The following PTPN2 variants were observed in gnomAD, a reference collection of about 807,000 sequenced individuals.
PTPN2 encodes tyrosine-protein phosphatase non-receptor type 2.
In PTPN2, 19 loss-of-function variants were observed where a neutral mutation model predicts 57.3. The observed-to-expected ratio is 0.33, with a 90% CI of 0.23 to 0.49. PTPN2 has a LOEUF of 0.49. PTPN2 is among the 20% of genes least tolerant of loss of function. The pLI is 0.99. For synonymous variants in PTPN2, 153 were observed against 164.9 expected (o/e 0.93, Z 0.55); for missense variants, 358 against 501.1 (o/e 0.71, Z 2.73).
At chr18:12,831,148 G>C (rs539343818) in intron 3 of PTPN2, 107 bp from the exon 4 acceptor site, 5 of 662,158 alleles carry the variant, frequency 7.6e-6, no homozygotes, top group African/African-American at 1.8e-5. Flanking sequence ...GACAGACAGC[G>C]GACGGGCTTA....
chr18:12,792,151 A>G, downstream of PTPN2: 1 of 839,380 alleles, frequency 1.2e-6, no homozygotes, highest in Non-Finnish European at 1.4e-6. Context: ...ACACAGGCAC[A>G]TGTTATATAA....
chr18:12,796,454 CTATG>C (rs1482446161), intron 8 of PTPN2, among the ~76,000 whole-genome samples: 2 of 152,096 alleles, frequency 1.3e-5, no homozygotes, highest in Non-Finnish European at 2.9e-5. Context: ...CTGAATTGAA[CTATG>C]TATTAGAATA....
At chr18:12,827,593 G>A (rs1236349776) in intron 4 of PTPN2, among the ~76,000 whole-genome samples, 1 of 151,288 alleles carries the variant, frequency 6.6e-6, no homozygotes, top group Non-Finnish European at 1.5e-5. Flanking sequence ...CTTTGTTGTC[G>A]AGGCTGGTTT....
chr18:12,838,092 A>C (rs2042927847), intron 2 of PTPN2, among the ~76,000 whole-genome samples: 1 of 152,194 alleles, frequency 6.6e-6, no homozygotes, highest in Admixed American at 6.5e-5. Context: ...TAAAGACCAC[A>C]TATCTCCTAG....
chr18:12,797,806 C>T (rs368543917), intron 8 of PTPN2, among the ~76,000 whole-genome samples: 6 of 152,176 alleles, frequency 3.9e-5, no homozygotes, highest in East Asian at 3.8e-4. Flanking sequence ...GATCATAGCT[C>T]CCTGTAGCCT....
At position 12,825,824 on chromosome 18, in the gene PTPN2, A is replaced by T. The variant is rs143546199; in HGVS notation, c.481T>A (p.Leu161Ile). The change falls in exon 5 of 9, where the codon TTA becomes ATA. Residue 161 changes from leucine (L) to isoleucine (I), a missense_variant. Around this residue, in one of 4 missense-constraint regions of PTPN2, gnomAD observed 193 missense variants for 315.4 expected, o/e 0.61. Transcript: ENST00000309660. ...AAAGGTCTTACATTGATATTTTCTA[A>T]TTGTAGTAGATGTACTGTATAATAC... is the stretch of plus-strand genomic sequence containing the variant. ...KSYYTVHLLQ[L>I]ENINSGETRT... 2 of 1,605,826 alleles carry T rather than the reference A, an allele frequency of 1.2e-6. No homozygotes were observed. The highest frequency in any genetic ancestry group is 2.7e-5 in the African/African-American group (2 of 74,666).
At chr18:12,791,218 G>A (rs1219426965), downstream of PTPN2, among the ~76,000 whole-genome samples, 1 of 152,128 alleles carries the variant, frequency 6.6e-6, no homozygotes, top group African/African-American at 2.4e-5. Flanking sequence ...AGAGAACACA[G>A]CATTAAACCA....
chr18:12,795,774 A>G (rs919526915), intron 8 of PTPN2, among the ~76,000 whole-genome samples: 1 of 152,132 alleles, frequency 6.6e-6, no homozygotes, highest in African/African-American at 2.4e-5. Flanking sequence ...AAAACAAAAA[A>G]ACGGCCAATG....
At chr18:12,861,662 AAAC>A (rs1012974558) in intron 1 of PTPN2, among the ~76,000 whole-genome samples, 11 of 152,208 alleles carry the variant, frequency 7.2e-5, no homozygotes, top group African/African-American at 1.4e-4. Flanking sequence ...AATGGGATTA[AAAC>A]AACAACAACA....
At chr18:12,866,235 G>T (rs143265803) in intron 1 of PTPN2, among the ~76,000 whole-genome samples, 4 of 152,052 alleles carry the variant, frequency 2.6e-5, no homozygotes, top group African/African-American at 9.7e-5. Flanking sequence ...TCAGGAGATC[G>T]AGACCATCCT....
chr18:12,823,984 C>T (rs2042359815), intron 5 of PTPN2, among the ~76,000 whole-genome samples: 1 of 152,108 alleles, frequency 6.6e-6, no homozygotes, highest in African/African-American at 2.4e-5. Flanking sequence ...TGCCCTTCAT[C>T]TAAATCAATT....
chr18:12,812,585 G>A (rs902466037), intron 7 of PTPN2, among the ~76,000 whole-genome samples: 104 of 152,010 alleles, frequency 6.8e-4, no homozygotes, highest in African/African-American at 2.4e-3. Context: ...GGCAACAAGA[G>A]CAAAACTGCG....
intron 2 of PTPN2, among the ~76,000 whole-genome samples, chr18:12,846,424 T>C (rs1356333720): frequency 1.3e-5 from 2 of 152,242 alleles, no homozygotes; most frequent in East Asian, 1.9e-4. Context: ...ATTTGTTTCT[T>C]TACATCAGTA....
intron 1 of PTPN2, among the ~76,000 whole-genome samples, chr18:12,859,717 TC>T (rs1275114732): frequency 6.6e-6 from 1 of 152,246 alleles, no homozygotes; most frequent in East Asian, 1.9e-4. Context: ...TTTTGGAGTT[TC>T]TACCTGAAAA....
chr18:12,862,923 C>A (rs930259637), intron 1 of PTPN2, among the ~76,000 whole-genome samples: 1 of 129,246 alleles, frequency 7.7e-6, no homozygotes, highest in South Asian at 2.5e-4. Flanking sequence ...CTGTAATATA[C>A]GCAGCAAAAC....
chr18:12,825,512 C>G (rs1409344946), intron 5 of PTPN2, among the ~76,000 whole-genome samples: 2 of 152,274 alleles, frequency 1.3e-5, no homozygotes, highest in East Asian at 3.9e-4. Context: ...AGAGCTGGAT[C>G]TGAATCCAGG....
At chr18:12,852,353 G>T (rs1293137877) in intron 2 of PTPN2, among the ~76,000 whole-genome samples, 1 of 152,088 alleles carries the variant, frequency 6.6e-6, no homozygotes, top group Non-Finnish European at 1.5e-5. Context: ...AAAATTTGGT[G>T]GTAGTCTCTA....
At chr18:12,816,790 C>T (rs2042091353) in intron 6 of PTPN2, among the ~76,000 whole-genome samples, 2 of 151,976 alleles carry the variant, frequency 1.3e-5, no homozygotes, top group South Asian at 4.2e-4. Context: ...TATCATTATC[C>T]CTAGTTTTTA....
At chr18:12,883,946 C>G in intron 1 of PTPN2, 127 bp downstream of exon 1, 2 of 748,832 alleles carry the variant, frequency 2.7e-6, no homozygotes, top group Non-Finnish European at 4.1e-6. Flanking sequence ...GCGGACCGCG[C>G]CGCCACTTCC....
Sources: gnomAD v4.1 joint callset for allele counts (sites outside exome capture counted in the v4.1 genomes callset) on GRCh38, gnomAD v4.1.1 for gene constraint, gnomAD v4.1.1 regional missense constraint, MANE v1.5 for transcripts, NCBI Gene and HGNC (gene_info 2026-07-23, HGNC 2026-07-21) for gene names.